The following ACTN2 variants were observed in gnomAD, a reference collection of about 807,000 sequenced individuals.
The protein encoded by ACTN2 is actinin alpha 2, also known as alpha-actinin-2.
In ACTN2, 39 loss-of-function variants were observed where a neutral mutation model predicts 113.8. The ratio of observed to expected loss-of-function variants is 0.34; its 90% CI spans 0.27 to 0.45. ACTN2 has a LOEUF of 0.45. Among genes scored for constraint, ACTN2 ranks in the 20% least tolerant of loss-of-function variants. ACTN2 has a pLI of 1.00. For missense variants in ACTN2, 992 were observed against 1,177.9 expected (o/e 0.84, Z 2.31); for synonymous variants, 429 against 444.1 (o/e 0.97, Z 0.43).
intron 7 of ACTN2, among the ~76,000 whole-genome samples, chr1:236,735,425 A>C (rs1387599997): frequency 2.6e-5 from 4 of 152,190 alleles, no homozygotes; most frequent in South Asian, 2.1e-4. Context: ...ATCCTTAAAA[A>C]ACATGCTGGC....
At chr1:236,761,541 A>C (rs1188336641) in intron 20 of ACTN2, among the ~76,000 whole-genome samples, 5 of 152,126 alleles carry the variant, frequency 3.3e-5, no homozygotes, top group African/African-American at 1.2e-4. Flanking sequence ...TGCAATTTAG[A>C]TGTTATAAAA....
At chr1:236,724,714 G>A (rs1031173456) in intron 4 of ACTN2, among the ~76,000 whole-genome samples, 2 of 152,228 alleles carry the variant, frequency 1.3e-5, no homozygotes, top group African/African-American at 4.8e-5. Flanking sequence ...GGGAATGCAG[G>A]GGTGTGGTGC....
intron 1 of ACTN2, among the ~76,000 whole-genome samples, chr1:236,688,604 C>T (rs1403400213): frequency 1.3e-5 from 2 of 152,096 alleles, no homozygotes; most frequent in Non-Finnish European, 2.9e-5. Flanking sequence ...ACTTCCTGAT[C>T]CCAGTCCAAA....
intron 14 of ACTN2, among the ~76,000 whole-genome samples, chr1:236,750,796 G>C (rs559110304): frequency 6.6e-6 from 1 of 152,112 alleles, no homozygotes; most frequent in South Asian, 2.1e-4. Flanking sequence ...CCATTAGAAA[G>C]GGCATCTAAG....
In ACTN2 at chr1:236,753,114, G is replaced by T. The variant is rs145523215; in HGVS notation, c.1840-833G>T. 3.8e-3 allele frequency among the ~76,000 whole-genome samples: 577 copies of T among 152,272 alleles called. 3 individuals carry two copies. Among genetic ancestry groups the T allele is most frequent in the African/African-American group, 0.013 (548 of 41,548 alleles). On this transcript the variant is annotated intron_variant, in intron 15 of 20. Transcript: ENST00000366578. ...GTATACTCTTCTGTGGGCCAACAAG[G>T]TATAAGAATCGAACTCATGAACCCA...
At chr1:236,744,482 C>T (rs549096863) in intron 11 of ACTN2, 144 bp from the exon 12 acceptor site, 1 of 1,001,528 alleles carries the variant, frequency 1.0e-6, no homozygotes, top group Non-Finnish European at 1.5e-6. Context: ...TCCATCACAA[C>T]CCTGGCCTGC....
intron 6 of ACTN2, among the ~76,000 whole-genome samples, chr1:236,728,398 C>G (rs1658621608): frequency 6.6e-6 from 1 of 152,204 alleles, no homozygotes; most frequent in Admixed American, 6.5e-5. Context: ...CCGCCTCAGC[C>G]TCCCAAAGTG....
intron 14 of ACTN2, 49 bp downstream of exon 14, chr1:236,749,313 C>A: frequency 6.2e-7 from 1 of 1,610,230 alleles, no homozygotes; most frequent in Non-Finnish European, 8.5e-7. Context: ...AGTGAGTTGT[C>A]ATTTAAACTT....
chr1:236,709,220 G>GTATACATATA (rs1553298540), intron 1 of ACTN2, among the ~76,000 whole-genome samples: 1 of 66,838 alleles, frequency 1.5e-5, no homozygotes, highest in Non-Finnish European at 2.7e-5. Context: ...ACAAATGACT[G>GTATACATATA]TATATATATA....
Position 236,757,512 on chromosome 1 carries a change from G to T in ACTN2, c.2181G>T (p.Leu727=), listed in dbSNP as rs878854173. 6.2e-7 allele frequency: 1 copy of T among 1,614,144 alleles called. No individual in the cohort carries two copies. The highest frequency in any genetic ancestry group is 8.5e-7 in the Non-Finnish European group (1 of 1,180,034). The change falls in exon 18 of 21, where the codon CTG becomes CTT. Residue 727 remains leucine (L), a synonymous_variant. Coordinates refer to ENST00000366578, the MANE Select transcript of ACTN2 (RefSeq NM_001103.4). ...ACATTCGTGTTGGATGGGAGCTGCT[G>T]CTGACAACCATCGCCAGAACCATCA... ...MEHIRVGWEL[L]LTTIARTINE... is the part of the protein sequence containing the mutation.
chr1:236,763,445 G>A lies in ACTN2; in HGVS notation c.*826G>A, dbSNP rs1659766852. ...AGAGCTTATTAGTACAGGTTCTCAA[G>A]AGATGACCACATAAAAGTGCTCTGT... On this transcript the variant is annotated 3_prime_UTR_variant, in exon 21 of 21. Transcript: ENST00000366578. 6.6e-6 allele frequency: 1 copy of A among 152,372 alleles called. No individual in the cohort carries two copies. The highest frequency in any genetic ancestry group is 2.1e-4 in the South Asian group (1 of 4,830). 9.4% of individuals were successfully genotyped at this position (152,372 alleles called of 1,614,324 possible).
rs1201153989 is a variant in ACTN2 at position 236,754,197 on chromosome 1, G to A, written c.1974+116G>A. 17 of 1,386,054 alleles carry A rather than the reference G, an allele frequency of 1.2e-5. No individual in the cohort carries two copies. In the East Asian group the frequency reaches 3.7e-4, roughly 30 times the overall value. 85.9% of individuals were successfully genotyped at this position (1,386,054 alleles called of 1,614,324 possible). Reference sequence around the variant, plus strand: ...CAGCCACCCACTCAGTCAGGTGGGAGCACCGTTCTGTTATCACCCCGGCTT... The same window carrying A: ...CAGCCACCCACTCAGTCAGGTGGGAACACCGTTCTGTTATCACCCCGGCTT... On this transcript the variant is annotated intron_variant, in intron 16 of 20. Coordinates refer to ENST00000366578, the MANE Select transcript of ACTN2 (RefSeq NM_001103.4). This position sits in a 1 kb window ranked among gnomAD's most constrained non-coding sequence, Gnocchi z 4.9.
intron 1 of ACTN2, among the ~76,000 whole-genome samples, chr1:236,697,719 G>T (rs951697171): frequency 2.3e-4 from 35 of 151,506 alleles, no homozygotes; most frequent in African/African-American, 8.3e-4. Flanking sequence ...CAAAGCTTTG[G>T]TGCTGTGGAA....
intron 20 of ACTN2, 99 bp downstream of exon 20, chr1:236,761,272 G>T (rs138274006): frequency 1.4e-6 from 2 of 1,404,238 alleles, no homozygotes; most frequent in African/African-American, 2.8e-5. Context: ...TTTTTATGCC[G>T]GTGTATTTTG....
At chr1:236,755,261 G>A in intron 17 of ACTN2, 63 bp downstream of exon 17, 1 of 1,596,180 alleles carries the variant, frequency 6.3e-7, no homozygotes, top group Non-Finnish European at 8.6e-7. Flanking sequence ...CCTCCTCAGG[G>A]TGCTTTCTTC....
chr1:236,761,267 A>AGCCCGTCTCCCTCTCCCTCTCCCGTC, intron 20 of ACTN2, 94 bp downstream of exon 20: 2 of 1,447,586 alleles, frequency 1.4e-6, no homozygotes, highest in Non-Finnish European at 1.9e-6. Flanking sequence ...AACCATTTTT[A>AGCCCGTCTCCCTCTCCCTCTCCCGTC]TGCCGGTGTA....
rs34263845 is a variant in ACTN2 at position 236,727,687 on chromosome 1, T to C, written c.546T>C (p.Asp182=). The change falls in exon 6 of 21, where the codon GAT becomes GAC. Residue 182 remains aspartate (D), a synonymous_variant. Transcript: ENST00000366578. ...CTCGACGGCTGTGAAGCTGGAAAGA[T>C]GGCCTTGGACTCTGTGCCCTCATCC... ...NIQNFHTSWK[D]GLGLCALIHR... is the part of the protein sequence containing the mutation. The C allele has an allele frequency of 5.4e-4, 869 of 1,614,128 alleles. 2 individuals carry two copies. The highest frequency in any genetic ancestry group is 3.7e-4 in the Non-Finnish European group (437 of 1,179,976).
chr1:236,734,335 G>A, intron 7 of ACTN2: 1 of 805,208 alleles, frequency 1.2e-6, no homozygotes, highest in South Asian at 1.8e-5. Context: ...GGGGGCGAAG[G>A]GGGAGGATTC....
rs957128342 is a variant in ACTN2, at chr1:236,747,678, A to G, written c.1418A>G (p.Tyr473Cys). The G allele has an allele frequency of 4.3e-6, 7 of 1,613,836 alleles. No homozygotes were observed. The highest frequency in any genetic ancestry group is 1.3e-5 in the African/African-American group (1 of 74,926). ...TTCACTTTTAATAGTGAACTGGACT[A>G]TCACGACGCTGTGAATGTCAATGAT... ...AIAQELNELD[Y>C]HDAVNVNDRC... Residue 473 changes from tyrosine (Y) to cysteine (C), a missense_variant, in exon 13 of 21, where the codon TAT becomes TGT. Around this residue, in one of 3 missense-constraint regions of ACTN2, gnomAD observed 736 missense variants for 815.4 expected, o/e 0.90. Coordinates refer to ENST00000366578, the MANE Select transcript of ACTN2 (RefSeq NM_001103.4).
Sources: gnomAD v4.1 joint callset for allele counts (sites outside exome capture counted in the v4.1 genomes callset) on GRCh38, gnomAD v4.1.1 for gene constraint, gnomAD v4.1.1 regional missense constraint, Gnocchi (gnomAD v3.1) non-coding constraint, MANE v1.5 for transcripts, NCBI Gene and HGNC (gene_info 2026-07-23, HGNC 2026-07-21) for gene names.